The following HID1 variants were observed in gnomAD, a reference collection of about 807,000 sequenced individuals.
HID1 encodes HID1 domain containing.
In HID1, 42 loss-of-function variants were observed where a neutral mutation model predicts 89.7. That is an observed-to-expected ratio of 0.47 (90% CI 0.37 to 0.61). The LOEUF (loss-of-function observed/expected upper bound fraction) is 0.61, where lower values mean the gene tolerates loss of function less well. Ranked by LOEUF, HID1 falls within the 20% of genes least tolerant of loss-of-function variation. The probability of loss-of-function intolerance (pLI) is 0.00; values close to 1 mark genes in which losing one functional copy is unlikely to be tolerated. For missense variants in HID1, 854 were observed against 1,039.3 expected (o/e 0.82, Z 2.45); for synonymous variants, 442 against 433.8 (o/e 1.02, Z -0.24).
In HID1 at chr17:74,972,498, C is replaced by G; in HGVS notation, c.66+93G>C. 8.3e-7 allele frequency: 1 copy of G among 1,198,540 alleles called. No homozygotes were observed. Among genetic ancestry groups the G allele is most frequent in the Non-Finnish European group, 1.2e-6 (1 of 858,904 alleles). The allele number at this position is 1,198,540 out of a possible 1,614,324, so 74.2% of individuals were successfully genotyped here. On this transcript the variant is annotated intron_variant, in intron 1 of 18. Transcript: ENST00000425042. The surrounding 1 kb of genome is among the most constrained non-coding windows in gnomAD (Gnocchi z 6.4). ...TTACGCTCGGGGCCCGCCCGTCCCC[C>G]CATCTCCCGACGAGCCAAGTTCGCG...
In HID1 at chr17:74,958,650, TCCC is replaced by T; in HGVS notation, c.1240+20_1240+22del. On this transcript the variant is annotated intron_variant, in intron 10 of 18. Coordinates refer to ENST00000425042, the MANE Select transcript of HID1 (RefSeq NM_030630.3). The surrounding 1 kb of genome is among the most constrained non-coding windows in gnomAD (Gnocchi z 5.2). ...CTCGCCGCCAGGAAAGCCCCCAGCATCCCACCCCCACCCTGGTCTTACACTGAT... is the reference window on the plus strand; with the variant it reads ...CTCGCCGCCAGGAAAGCCCCCAGCATACCCCCACCCTGGTCTTACACTGAT... 1 of 1,163,200 alleles carries T rather than the reference TCCC, an allele frequency of 8.6e-7. No homozygotes were observed. The highest frequency in any genetic ancestry group is 1.3e-6 in the Non-Finnish European group (1 of 775,032). 72.1% of individuals were successfully genotyped at this position (1,163,200 alleles called of 1,614,324 possible). A position where few individuals can be genotyped will look rare whatever the true frequency, so the allele number is the denominator to read the frequency against.
chr17:74,951,454 T>C lies in HID1; in HGVS notation c.*116A>G. ...TCTAGGGCATGACACTCAGGGCCAC[T>C]CTGCCTGTTCCAGGCCCTGATCGTG... On this transcript the variant is annotated 3_prime_UTR_variant, in exon 19 of 19. Coordinates refer to ENST00000425042, the MANE Select transcript of HID1 (RefSeq NM_030630.3). The C allele has an allele frequency of 9.8e-7, 1 of 1,021,028 alleles. No individual in the cohort carries two copies. The allele number at this position is 1,021,028 out of a possible 1,614,324, so 63.2% of individuals were successfully genotyped here.
At position 74,953,016 on chromosome 17, in the gene HID1, G is replaced by T. The variant is rs115082567; in HGVS notation, c.2042C>A (p.Thr681Lys). 1 of 1,606,884 alleles carries T rather than the reference G, an allele frequency of 6.2e-7. No homozygotes were observed. Among genetic ancestry groups the T allele is most frequent in the Admixed American group, 1.7e-5 (1 of 59,310 alleles). The change falls in exon 16 of 19, where the codon ACG becomes AAG. Residue 681 changes from threonine (T) to lysine (K), a missense_variant. By Grantham distance (78) the Thr-to-Lys change is moderately conservative. Transcript: ENST00000425042. The stretch of plus-strand genomic sequence containing the variant: ...AGGGTCCCTCCTCACCCACTCTGGC[G>T]TTGGGCTCCACTGCCCACTGGCTGA... ...TSSASGQWSP[T>K]PEWVLSWKSK...
At chr17:74,954,618 C>T (rs935854765) in intron 13 of HID1, 6 of 598,082 alleles carry the variant, frequency 1.0e-5, no homozygotes, top group East Asian at 9.1e-5. Context: ...TTTGAGTTCC[C>T]GCCACAACCC....
chr17:74,972,750 C>A lies in HID1; in HGVS notation c.-94G>T, dbSNP rs867698760. ...CCAGCTCCGCGGCCCCCGCGGCTCTCGCAGGAGACAAGCGGCGCGCCCCGC... is the reference window on the plus strand; with the variant it reads ...CCAGCTCCGCGGCCCCCGCGGCTCTAGCAGGAGACAAGCGGCGCGCCCCGC... On this transcript the variant is annotated 5_prime_UTR_variant, in exon 1 of 19. Transcript: ENST00000425042. This position sits in a 1 kb window ranked among gnomAD's most constrained non-coding sequence, Gnocchi z 6.4. 15 of 1,232,470 alleles carry A rather than the reference C, an allele frequency of 1.2e-5. No homozygotes were observed. The highest frequency in any genetic ancestry group is 3.2e-5 in the African/African-American group (2 of 63,076). 76.3% of individuals were successfully genotyped at this position (1,232,470 alleles called of 1,614,324 possible). A position where few individuals can be genotyped will look rare whatever the true frequency, so the allele number is the denominator to read the frequency against.
rs1013840624 is a variant in HID1 at position 74,964,637 on chromosome 17, G to C, written c.67-5C>G. 1 of 1,610,174 alleles carries C rather than the reference G, an allele frequency of 6.2e-7. No individual in the cohort carries two copies. The highest frequency in any genetic ancestry group is 8.5e-7 in the Non-Finnish European group (1 of 1,178,632). ...ATCATCGGTGGCTTCCACGGGCTGT[G>C]GGGGGACCAAGGGTCCAGAGTTACA... On this transcript the variant is annotated splice_region_variant and splice_polypyrimidine_tract_variant and intron_variant, in intron 1 of 18. Coordinates refer to ENST00000425042, the MANE Select transcript of HID1 (RefSeq NM_030630.3).
In HID1 at chr17:74,960,073, G is replaced by A; in HGVS notation, c.904C>T (p.Pro302Ser). 1 of 1,613,884 alleles carries A rather than the reference G, an allele frequency of 6.2e-7. No individual in the cohort carries two copies. The highest frequency in any genetic ancestry group is 1.1e-5 in the South Asian group (1 of 91,084). The change falls in exon 7 of 19, where the codon CCC becomes TCC. Residue 302 changes from proline to serine, a missense_variant. By Grantham distance (74) the Pro-to-Ser change is moderately conservative (BLOSUM62 -1). Coordinates refer to ENST00000425042, the MANE Select transcript of HID1 (RefSeq NM_030630.3). ...CCAGTGGTGGTGCCGTCCACAGTGG[G>A]GCTGGCACTGCTGGCACTGTCGTGG... ...LDHDSASSAS[P>S]TVDGTTTGTA...
intron 12 of HID1, among the ~76,000 whole-genome samples, chr17:74,957,200 G>A (rs1942788978): frequency 6.6e-6 from 1 of 152,086 alleles, no homozygotes; most frequent in African/African-American, 2.4e-5. Context: ...ATGGCCGGGT[G>A]TGGTGGTTCA....
chr17:74,957,824 C>T, intron 12 of HID1: 1 of 323,838 alleles, frequency 3.1e-6, no homozygotes, highest in South Asian at 3.1e-5. Flanking sequence ...TGCTTGAACC[C>T]AAGGGGCGGA....
chr17:74,958,243 C>T lies in HID1; in HGVS notation c.1393-24G>A. 6.2e-7 allele frequency: 1 copy of T among 1,608,432 alleles called. No homozygotes were observed. Among genetic ancestry groups the T allele is most frequent in the Non-Finnish European group, 8.5e-7 (1 of 1,177,576 alleles). On this transcript the variant is annotated intron_variant, in intron 11 of 18. Transcript: ENST00000425042. This position sits in a 1 kb window ranked among gnomAD's most constrained non-coding sequence, Gnocchi z 5.2. Reference sequence around the variant, plus strand: ...ACCTGTGCCAGGAGGGACAGAGGCACCGTGGGGTCCCCGCTGCCTCCAGAC... The same window carrying T: ...ACCTGTGCCAGGAGGGACAGAGGCATCGTGGGGTCCCCGCTGCCTCCAGAC...
At position 74,964,640 on chromosome 17, in the gene HID1, G is replaced by A; in HGVS notation, c.67-8C>T. ...ATCGGTGGCTTCCACGGGCTGTGGG[G>A]GGACCAAGGGTCCAGAGTTACACAA... is the stretch of plus-strand genomic sequence containing the variant. On this transcript the variant is annotated splice_region_variant and splice_polypyrimidine_tract_variant and intron_variant, in intron 1 of 18. Transcript: ENST00000425042. 1 of 1,609,560 alleles carries A rather than the reference G, an allele frequency of 6.2e-7. No individual in the cohort carries two copies. Among genetic ancestry groups the A allele is most frequent in the Non-Finnish European group, 8.5e-7 (1 of 1,178,518 alleles).
At chr17:74,964,078 C>A in intron 2 of HID1, 168 bp from the exon 3 acceptor site, 1 of 682,284 alleles carries the variant, frequency 1.5e-6, no homozygotes, top group Non-Finnish European at 2.5e-6. Flanking sequence ...GAGTTGGGGT[C>A]GGCCAGCCTT....
intron 6 of HID1, among the ~76,000 whole-genome samples, chr17:74,961,248 ATAT>A (rs556968156): frequency 1.3e-5 from 2 of 152,172 alleles, no homozygotes; most frequent in African/African-American, 2.4e-5. Context: ...TATATGAAAT[ATAT>A]TATTAATTAT....
Position 74,958,728 on chromosome 17 carries a change from G to A in HID1, c.1185C>T (p.Val395=), listed in dbSNP as rs1003500196. The change falls in exon 10 of 19, where the codon GTC becomes GTT. Residue 395 remains valine (V), a synonymous_variant. Transcript: ENST00000425042. This position sits in a 1 kb window ranked among gnomAD's most constrained non-coding sequence, Gnocchi z 5.2. ...FLFFVLKSSD[V]LDILVPILFF... is the part of the protein sequence containing the mutation. ...AGAGGATGGGGACAAGGATGTCTAG[G>A]ACGTCGCTGCTCTTCAGCACGAAGA... 2.5e-5 allele frequency: 40 copies of A among 1,613,214 alleles called. No individual in the cohort carries two copies. Among genetic ancestry groups the A allele is most frequent in the Non-Finnish European group, 2.9e-5 (34 of 1,179,804 alleles).
chr17:74,952,887 G>A (rs1476781734), intron 16 of HID1, 119 bp downstream of exon 16: 3 of 735,260 alleles, frequency 4.1e-6, no homozygotes, highest in East Asian at 2.9e-5. Context: ...CCTTTGATTC[G>A]GACATCTTGC....
intron 12 of HID1, among the ~76,000 whole-genome samples, chr17:74,956,521 G>A (rs566003746): frequency 1.3e-5 from 2 of 152,260 alleles, no homozygotes; most frequent in East Asian, 1.9e-4. Context: ...ACAGGGCAGG[G>A]ACCAGGGCTG....
intron 12 of HID1, among the ~76,000 whole-genome samples, chr17:74,957,458 CAG>C (rs1208620542): frequency 2.0e-5 from 3 of 151,594 alleles, no homozygotes; most frequent in African/African-American, 7.3e-5. Context: ...GCCTGAGCAA[CAG>C]AGAGTGAGAC....
intron 3 of HID1, chr17:74,963,355 A>G (rs2039513713): frequency 2.0e-6 from 1 of 501,304 alleles, no homozygotes; most frequent in Non-Finnish European, 3.6e-6. Context: ...CAGCCCTGCT[A>G]GGAATCACTG....
chr17:74,953,850 T>G (rs914101998), intron 14 of HID1, among the ~76,000 whole-genome samples, 199 bp from the exon 15 acceptor site: 1 of 152,168 alleles, frequency 6.6e-6, no homozygotes, highest in African/African-American at 2.4e-5. Flanking sequence ...CCTGAGGCTC[T>G]GCCCCCAACA....
Sources: gnomAD v4.1 joint callset for allele counts (sites outside exome capture counted in the v4.1 genomes callset) on GRCh38, gnomAD v4.1.1 for gene constraint, Gnocchi (gnomAD v3.1) non-coding constraint, MANE v1.5 for transcripts, NCBI Gene and HGNC (gene_info 2026-07-23, HGNC 2026-07-21) for gene names.